Variants in MEI1 observed in about 807,000 individuals in gnomAD.
MEI1 encodes the protein meiotic double-stranded break formation protein 1.
Under a neutral mutation model 146.2 loss-of-function variants are expected in MEI1, and 103 were observed. The observed-to-expected ratio is 0.70, with a 90% CI of 0.60 to 0.83. The LOEUF (loss-of-function observed/expected upper bound fraction) is 0.83. Among genes scored for constraint, MEI1 ranks in the 40% least tolerant of loss-of-function variants. MEI1 has a pLI of 0.00. For missense variants in MEI1, 1,529 were observed against 1,533.0 expected (o/e 1.00, Z 0.04); for synonymous variants, 652 against 628.2 (o/e 1.04, Z -0.57).
intron 28 of MEI1, among the ~76,000 whole-genome samples, chr22:41,794,799 G>A (rs2148259495): frequency 6.6e-6 from 1 of 152,318 alleles, no homozygotes; most frequent in Middle Eastern, 3.4e-3. Context: ...AGTCTAAAGA[G>A]GACGACAGAC....
intron 26 of MEI1, among the ~76,000 whole-genome samples, chr22:41,786,526 T>C (rs528250177): frequency 2.0e-5 from 3 of 152,326 alleles, no homozygotes; most frequent in Non-Finnish European, 4.4e-5. Context: ...TTTTATGAGA[T>C]AGTAGGATGA....
chr22:41,733,801 T>G (rs905812655), intron 11 of MEI1, among the ~76,000 whole-genome samples: 5 of 151,994 alleles, frequency 3.3e-5, no homozygotes, highest in Non-Finnish European at 5.9e-5. Context: ...TGCATTGTAT[T>G]AGGTATTATA....
chr22:41,772,193 A>G (rs765306203), intron 20 of MEI1, among the ~76,000 whole-genome samples: 4 of 152,198 alleles, frequency 2.6e-5, no homozygotes, highest in Non-Finnish European at 4.4e-5. Context: ...GTATATCTAA[A>G]CATAGAAAAG....
chr22:41,781,804 A>G lies in MEI1; in HGVS notation c.3046A>G (p.Thr1016Ala). ...ACTCCTCTGCTCTGCCTGGCTGCTC[A>G]CTGCCTCCTTCTCTGCCCAGCAGCA... ...TALLCSAWLLTASFSAQQHKG... is the reference protein window; with the variant it reads ...TALLCSAWLLAASFSAQQHKG... Residue 1016 changes from threonine (T) to alanine (A), a missense_variant, in exon 24 of 31, where the codon ACT becomes GCT. Physicochemically the swap from Thr to Ala is moderately conservative, Grantham distance 58. This residue lies in a region of MEI1 where 313 missense variants were observed against 337.3 expected (regional missense o/e 0.93). Coordinates refer to ENST00000401548, the MANE Select transcript of MEI1 (RefSeq NM_152513.4). 1 of 1,613,988 alleles carries G rather than the reference A, an allele frequency of 6.2e-7. No homozygotes were observed. Among genetic ancestry groups the G allele is most frequent in the East Asian group, 2.2e-5 (1 of 44,884 alleles).
intron 26 of MEI1, among the ~76,000 whole-genome samples, chr22:41,785,922 T>A (rs1340079618): frequency 8.5e-5 from 12 of 141,926 alleles, no homozygotes; most frequent in Non-Finnish European, 1.4e-4. Context: ...TTTATTTTTT[T>A]TTTTTTGAGA....
At chr22:41,728,918 C>G (rs942616797) in intron 7 of MEI1, among the ~76,000 whole-genome samples, 1 of 151,670 alleles carries the variant, frequency 6.6e-6, no homozygotes, top group Non-Finnish European at 1.5e-5. Context: ...ATATTCCCAG[C>G]ACTTTGGGAG....
Position 41,773,629 on chromosome 22 carries a change from G to T in MEI1, c.2545-2473G>T, listed in dbSNP as rs932382358. On this transcript the variant is annotated intron_variant, in intron 20 of 30. Coordinates refer to ENST00000401548, the MANE Select transcript of MEI1 (RefSeq NM_152513.4). ...GGTGGCTCACGCCTGTAATCCCAGCGCTTTGGGAGGCTGAGGCGGGTGGGT... is the reference window on the plus strand; with the variant it reads ...GGTGGCTCACGCCTGTAATCCCAGCTCTTTGGGAGGCTGAGGCGGGTGGGT... Among the ~76,000 whole-genome samples, 5 of 150,606 alleles carry T rather than the reference G, an allele frequency of 3.3e-5. No homozygotes were observed. In the South Asian group the frequency reaches 1.0e-3, roughly 32 times the overall value.
intron 1 of MEI1, 87 bp from the exon 2 acceptor site, chr22:41,703,244 T>G: frequency 1.3e-5 from 19 of 1,427,804 alleles, no homozygotes; most frequent in Non-Finnish European, 1.8e-5. Flanking sequence ...TGTATCATCT[T>G]GTAATTGTAT....
intron 20 of MEI1, among the ~76,000 whole-genome samples, chr22:41,775,687 G>A (rs568803057): frequency 1.3e-5 from 2 of 150,296 alleles, no homozygotes; most frequent in Admixed American, 1.3e-4. Flanking sequence ...CCCGCCTCCC[G>A]GGTTCATGCC....
At chr22:41,699,746 G>C (rs1256480380) in intron 1 of MEI1, 34 bp downstream of exon 1, 2 of 1,525,398 alleles carry the variant, frequency 1.3e-6, no homozygotes, top group African/African-American at 1.4e-5. Context: ...GAAGACCTGG[G>C]TTTGGCCATT....
At chr22:41,787,817 A>G (rs1402291449) in intron 26 of MEI1, among the ~76,000 whole-genome samples, 1 of 152,226 alleles carries the variant, frequency 6.6e-6, no homozygotes, top group Non-Finnish European at 1.5e-5. Flanking sequence ...ACATGATCCC[A>G]GCCATTTAGG....
At chr22:41,781,582 C>G (rs1602130035) in intron 23 of MEI1, 103 bp from the exon 24 acceptor site, 2 of 1,387,504 alleles carry the variant, frequency 1.4e-6, no homozygotes, top group Admixed American at 4.5e-5. Flanking sequence ...GGATGATCCT[C>G]TGTTTGTTTG....
At position 41,770,942 on chromosome 22, in the gene MEI1, G is replaced by C. The variant is rs2075144428; in HGVS notation, c.2525G>C (p.Ser842Thr). 1 of 1,613,626 alleles carries C rather than the reference G, an allele frequency of 6.2e-7. No homozygotes were observed. Among genetic ancestry groups the C allele is most frequent in the South Asian group, 1.1e-5 (1 of 91,052 alleles). Residue 842 changes from serine (S) to threonine (T), a missense_variant, in exon 20 of 31, where the codon AGC becomes ACC. Physicochemically the swap from Ser to Thr is moderately conservative, Grantham distance 58. Transcript: ENST00000401548. ...TTCCAGTTGCTCAGAAGCATCCCCA[G>C]CATCCTGCTCATCTTGCTGGTAGGC... ...VLFQLLRSIP[S>T]ILLILLDLIY...
chr22:41,792,234 T>G (rs893017803), intron 26 of MEI1, among the ~76,000 whole-genome samples: 3 of 152,190 alleles, frequency 2.0e-5, no homozygotes, highest in African/African-American at 7.2e-5. Flanking sequence ...TGGTCCTCCT[T>G]GACACCTCTG....
chr22:41,724,085 G>A lies in MEI1; in HGVS notation c.864+12G>A. The A allele has an allele frequency of 1.2e-6, 2 of 1,613,680 alleles. No homozygotes were observed. Among genetic ancestry groups the A allele is most frequent in the Non-Finnish European group, 1.7e-6 (2 of 1,179,716 alleles). ...TGGTGCTCAAAAAGGTAGTTGTCTT[G>A]TGATTCCTGGTCTCTAGGTTCAATA... On this transcript the variant is annotated intron_variant, in intron 7 of 30. Coordinates refer to ENST00000401548, the MANE Select transcript of MEI1 (RefSeq NM_152513.4).
In MEI1 at chr22:41,715,991, G is replaced by A. The variant is rs1225095827; in HGVS notation, c.424-50G>A. ...TAGGGAAAGATCAGTTTTGGTGGAA[G>A]ATCTGTCCTGATCCTAATTGACAGA... On this transcript the variant is annotated intron_variant, in intron 4 of 30. Coordinates refer to ENST00000401548, the MANE Select transcript of MEI1 (RefSeq NM_152513.4). The A allele has an allele frequency of 3.7e-6, 5 of 1,342,028 alleles. No individual in the cohort carries two copies. The South Asian group carries it at 3.8e-5, about 10-fold the overall frequency. The allele number at this position is 1,342,028 out of a possible 1,614,324, so 83.1% of individuals were successfully genotyped here.
Position 41,730,629 on chromosome 22 carries a change from C to T in MEI1, c.1088C>T (p.Thr363Met), listed in dbSNP as rs370146597. The T allele has an allele frequency of 2.5e-5, 40 of 1,610,598 alleles. No homozygotes were observed. The highest frequency in any genetic ancestry group is 4.5e-5 in the East Asian group (2 of 44,854). Residue 363 changes from threonine (T) to methionine (M), a missense_variant, in exon 9 of 31, where the codon ACG (threonine) becomes ATG (methionine). This residue lies in a region of MEI1 where 1,212 missense variants were observed against 1,178.9 expected (regional missense o/e 1.03). Transcript: ENST00000401548. ...CCACTCTTTTTTTCCAAGTGCCACA[C>T]GGTGTATGGTTGGTAGTAAGGGTCC... is the stretch of plus-strand genomic sequence containing the variant. ...EEPLFFSKCHTVYGIEAVVRS... is the reference protein window; with the variant it reads ...EEPLFFSKCHMVYGIEAVVRS...
At chr22:41,793,806 A>ATTTT in intron 26 of MEI1, 23 bp from the exon 27 acceptor site, 106 of 1,401,100 alleles carry the variant, frequency 7.6e-5, no homozygotes, top group South Asian at 2.4e-4. Flanking sequence ...ACCTGACCTG[A>ATTTT]TTTTTTTTTT....
chr22:41,747,278 A>C (rs1457922939), intron 14 of MEI1: 1 of 151,930 alleles, frequency 6.6e-6, no homozygotes, highest in Non-Finnish European at 1.5e-5. Flanking sequence ...TTACCACATA[A>C]GACTGCCTCA....
Sources: gnomAD v4.1 joint callset for allele counts (sites outside exome capture counted in the v4.1 genomes callset) on GRCh38, gnomAD v4.1.1 for gene constraint, gnomAD v4.1.1 regional missense constraint, MANE v1.5 for transcripts, NCBI Gene and HGNC (gene_info 2026-07-23, HGNC 2026-07-21) for gene names.